The following DRC4 variants were observed in gnomAD, a reference collection of about 807,000 sequenced individuals.
The protein encoded by DRC4 is GAS-11.
chr16:90,031,148 G>A, the DRC4 span: 1 of 1,503,206 alleles, frequency 6.7e-7, no homozygotes, highest in Non-Finnish European at 8.9e-7. Context: ...GAGCTTCCTA[G>A]CCTTATATTT....
the DRC4 span, among the ~76,000 whole-genome samples, chr16:90,041,781 G>A: frequency 2.6e-5 from 4 of 151,900 alleles, no homozygotes; most frequent in African/African-American, 4.8e-5. Context: ...CCTGGGCAAC[G>A]GGGCGAGACT....
chr16:90,022,823 C>T, the DRC4 span: 4 of 1,143,686 alleles, frequency 3.5e-6, no homozygotes, highest in Non-Finnish European at 4.5e-6. Flanking sequence ...AATGGGAGGC[C>T]TGGAGCGCTG....
the DRC4 span, chr16:90,028,908 A>T: frequency 7.8e-7 from 1 of 1,280,936 alleles, no homozygotes; most frequent in East Asian, 5.6e-5. Flanking sequence ...GTCCTTGAAC[A>T]ATGGTAAAGA....
chr16:90,032,958 G>A, the DRC4 span: 5 of 1,591,848 alleles, frequency 3.1e-6, no homozygotes, highest in Non-Finnish European at 4.3e-6. Context: ...AGGCTGACAG[G>A]TTGTTGGGAC....
At chr16:90,028,173 A>T in the DRC4 span, among the ~76,000 whole-genome samples, 194 of 63,806 alleles carry the variant, frequency 3.0e-3, no homozygotes, top group African/African-American at 6.1e-3. Flanking sequence ...TTAATCGTTC[A>T]TTTTTTTTTT....
At chr16:90,020,942 C>T in the DRC4 span, 1 of 152,278 alleles carries the variant, frequency 6.6e-6, no homozygotes. Flanking sequence ...ATTACCCCCA[C>T]TGTGCTCTCC....
At chr16:90,021,413 C>G in the DRC4 span, among the ~76,000 whole-genome samples, 1 of 147,130 alleles carries the variant, frequency 6.8e-6, no homozygotes, top group East Asian at 3.0e-4. Flanking sequence ...GCTACAAGAC[C>G]TTTTCTTTTT....
the DRC4 span, among the ~76,000 whole-genome samples, chr16:90,023,591 G>GTTGCC: frequency 9.5e-3 from 1,437 of 151,242 alleles, 54 homozygotes; most frequent in Non-Finnish European, 0.015. Context: ...AGCCTTCTTG[G>GTTGCC]AGTGGAGGGA....
chr16:90,043,914 C>T, the DRC4 span: 1 of 444,982 alleles, frequency 2.2e-6, no homozygotes, highest in East Asian at 7.1e-5. Flanking sequence ...AGTCTTCGCT[C>T]TAACTCCCTC....
chr16:90,040,546 C>A, the DRC4 span: 8 of 1,523,836 alleles, frequency 5.2e-6, no homozygotes, highest in Non-Finnish European at 6.2e-6. Flanking sequence ...CAGTGGGCGG[C>A]CTCATCCCTG....
the DRC4 span, chr16:90,043,653 G>C: frequency 3.5e-6 from 2 of 565,164 alleles, no homozygotes; most frequent in East Asian, 4.3e-5. Context: ...CTCACCTGGG[G>C]GTTGGGGCAG....
chr16:90,020,157 G>T, the DRC4 span: 1 of 539,284 alleles, frequency 1.9e-6, no homozygotes, highest in East Asian at 3.3e-5. Context: ...CATTGCATTT[G>T]TAAGTACTTC....
At chr16:90,024,492 T>C in the DRC4 span, among the ~76,000 whole-genome samples, 1 of 152,082 alleles carries the variant, frequency 6.6e-6, no homozygotes, top group Non-Finnish European at 1.5e-5. Flanking sequence ...ATTTCTTACT[T>C]TTTAAGGAAA....
chr16:90,028,771 C>T, the DRC4 span: 1 of 512,506 alleles, frequency 2.0e-6, no homozygotes, highest in Non-Finnish European at 3.1e-6. Flanking sequence ...TGACATGGGA[C>T]ATGAGGGCTG....
chr16:90,028,173 ATTTTTTT>A, the DRC4 span, among the ~76,000 whole-genome samples: 32 of 63,848 alleles, frequency 5.0e-4, no homozygotes, highest in South Asian at 1.2e-3. Context: ...TTAATCGTTC[ATTTTTTT>A]TTTTTTTTTT....
chr16:90,040,932 A>T, the DRC4 span, among the ~76,000 whole-genome samples: 1 of 152,078 alleles, frequency 6.6e-6, no homozygotes, highest in Non-Finnish European at 1.5e-5. Context: ...CCTGGCTCTC[A>T]GGGCCTGAGG....
At chr16:90,021,338 G>A in the DRC4 span, among the ~76,000 whole-genome samples, 1 of 152,196 alleles carries the variant, frequency 6.6e-6, no homozygotes, top group East Asian at 1.9e-4. Flanking sequence ...TTTGCCCCCA[G>A]CACAACTTTC....
chr16:90,043,341 C>A, the DRC4 span: 1 of 1,585,078 alleles, frequency 6.3e-7, no homozygotes, highest in African/African-American at 1.6e-5. Flanking sequence ...GGCACCCCGA[C>A]GTAGCTGCCC....
the DRC4 span, among the ~76,000 whole-genome samples, chr16:90,031,840 G>A: frequency 6.6e-6 from 1 of 152,194 alleles, no homozygotes; most frequent in African/African-American, 2.4e-5. Context: ...GAACAGGCAT[G>A]TGTAGCTGTG....
Sources: gnomAD v4.1 joint callset for allele counts (sites outside exome capture counted in the v4.1 genomes callset) on GRCh38, gnomAD v4.1.1 for gene constraint, MANE v1.5 for transcripts, NCBI Gene and HGNC (gene_info 2026-07-23, HGNC 2026-07-21) for gene names.